Variants in E2F6 observed in about 807,000 individuals in gnomAD.
E2F6 encodes transcription factor E2F6.
E2F6 carries 19 observed loss-of-function variants against 31.5 expected under a neutral mutation model. That is an observed-to-expected ratio of 0.60 (90% confidence interval 0.42 to 0.89). E2F6 has a LOEUF of 0.89. Among genes scored for constraint, E2F6 ranks in the 40% least tolerant of loss-of-function variants. The probability of loss-of-function intolerance (pLI) is 0.00; values close to 1 mark genes in which losing one functional copy is unlikely to be tolerated. For synonymous variants in E2F6, 121 were observed against 127.7 expected, an observed-to-expected ratio of 0.95 and a Z score of 0.36; for missense variants, 269 against 341.6, an observed-to-expected ratio of 0.79 and a Z score of 1.67.
intron 4 of E2F6, chr2:11,451,348 CTTTTT>C (rs61072678): frequency 4.7e-5 from 5 of 105,702 alleles, no homozygotes; most frequent in South Asian, 2.6e-4. Flanking sequence ...TTTTACCTAA[CTTTTT>C]TTTTTTTTTT....
intron 4 of E2F6, among the ~76,000 whole-genome samples, 192 bp from the exon 5 acceptor site, chr2:11,450,318 A>AT (rs1267956332): frequency 6.6e-6 from 1 of 152,176 alleles, no homozygotes; most frequent in Non-Finnish European, 1.5e-5. Flanking sequence ...TAAAATTAAG[A>AT]TTTTTATGAA....
intron 1 of E2F6, among the ~76,000 whole-genome samples, chr2:11,459,758 C>G (rs1166039801): frequency 6.6e-6 from 1 of 152,004 alleles, no homozygotes; most frequent in East Asian, 1.9e-4. Context: ...GTGGTGGGCA[C>G]CTGTAATAAA....
In E2F6 at chr2:11,463,950, G is replaced by GGGGC. The variant is rs1318049848; in HGVS notation, c.108+1821_108+1822insGCCC. 3.0e-5 allele frequency among the ~76,000 whole-genome samples: 4 copies of GGGGC among 135,476 alleles called. 1 individual carries two copies. The highest frequency in any genetic ancestry group is 2.4e-4 in the South Asian group (1 of 4,158). The allele number at this position is 135,476 out of a possible 152,430, so 88.9% of individuals were successfully genotyped here. Reference sequence around the variant, plus strand: ...GGTGACAGAGTGAGATCCTGCACCGGGGGGGGGGACAAAAACAAAAACAGA... The same window carrying GGGGC: ...GGTGACAGAGTGAGATCCTGCACCGGGGGCGGGGGGGGACAAAAACAAAAACAGA... On this transcript the variant is annotated intron_variant, in intron 1 of 6. Transcript: ENST00000381525.
intron 1 of E2F6, chr2:11,458,379 A>G: frequency 6.4e-7 from 1 of 1,550,586 alleles, no homozygotes; most frequent in Non-Finnish European, 8.7e-7. Context: ...AAAAGACAGG[A>G]TTGTGGTACC....
rs572296961 is a variant in E2F6, at chr2:11,447,697, G to C, written c.729C>G (p.Thr243=). 5 of 1,612,072 alleles carry C rather than the reference G, an allele frequency of 3.1e-6. No individual in the cohort carries two copies. In the African/African-American group the frequency reaches 6.7e-5, roughly 22 times the overall value. ...VYLCEVEQGQ[T]SNKRSEGVGT... Reference sequence around the variant, plus strand: ...CGACACCTTCAGACCTTTTGTTACTGGTCTGACCCTGCTCCACTTCACACA... The same window carrying C: ...CGACACCTTCAGACCTTTTGTTACTCGTCTGACCCTGCTCCACTTCACACA... Residue 243 remains threonine, a synonymous_variant, in exon 6 of 7, where the codon ACC becomes ACG. Coordinates refer to ENST00000381525, the MANE Select transcript of E2F6 (RefSeq NM_198256.4).
chr2:11,460,734 G>C (rs1671723762), intron 1 of E2F6, among the ~76,000 whole-genome samples: 1 of 152,168 alleles, frequency 6.6e-6, no homozygotes, highest in South Asian at 2.1e-4. Flanking sequence ...ATACAGTATA[G>C]CCTATTGCTG....
In E2F6 at chr2:11,447,253, C is replaced by A. The variant is rs576459238; in HGVS notation, c.799+374G>T. On this transcript the variant is annotated intron_variant, in intron 6 of 6. Coordinates refer to ENST00000381525, the MANE Select transcript of E2F6 (RefSeq NM_198256.4). ...GCTGAGTTGAGTGGGTATTTGACTG[C>A]CTGGGTCAAGCAGGTCTAGCCCCTT... Among the ~76,000 whole-genome samples, 4 of 152,216 alleles carry A rather than the reference C, an allele frequency of 2.6e-5. No individual in the cohort carries two copies. The East Asian group carries it at 5.8e-4, about 22-fold the overall frequency.
At chr2:11,449,741 C>A (rs1277792860) in intron 5 of E2F6, among the ~76,000 whole-genome samples, 1 of 152,174 alleles carries the variant, frequency 6.6e-6, no homozygotes, top group Admixed American at 6.5e-5. Flanking sequence ...GAAAAGCAAA[C>A]TATGAAGCCA....
chr2:11,463,133 C>T (rs975041434), intron 1 of E2F6, among the ~76,000 whole-genome samples: 2 of 152,196 alleles, frequency 1.3e-5, no homozygotes, highest in African/African-American at 4.8e-5. Flanking sequence ...AATATTAAGA[C>T]CACCAATACA....
At chr2:11,461,398 C>G (rs1039122171) in intron 1 of E2F6, among the ~76,000 whole-genome samples, 3 of 152,184 alleles carry the variant, frequency 2.0e-5, no homozygotes, top group Non-Finnish European at 4.4e-5. Context: ...GTTGCCCAAG[C>G]TGGAGTGCAG....
At position 11,455,406 on chromosome 2, in the gene E2F6, C is replaced by T. The variant is rs73917203; in HGVS notation, c.164-1608G>A. ...TCACATTTAGTTTAAAGACCACTGG[C>T]GGTTACTTCAGGAACAAAGGTACAT... On this transcript the variant is annotated intron_variant, in intron 2 of 6. Transcript: ENST00000381525. The T allele has an allele frequency of 2.2e-3, 2,822 of 1,277,518 alleles. 67 individuals are homozygous for T. In the African/African-American group the frequency reaches 0.04, roughly 18 times the overall value. 79.1% of individuals were successfully genotyped at this position (1,277,518 alleles called of 1,614,324 possible). A position where few individuals can be genotyped will look rare whatever the true frequency, so the allele number is the denominator to read the frequency against.
intron 3 of E2F6, among the ~76,000 whole-genome samples, chr2:11,452,268 T>C (rs560483473): frequency 4.6e-5 from 7 of 152,338 alleles, no homozygotes; most frequent in African/African-American, 1.4e-4. Context: ...AGTGTACACA[T>C]TCTGTCTGAA....
chr2:11,462,472 T>C (rs1034759269), intron 1 of E2F6, among the ~76,000 whole-genome samples: 4 of 152,250 alleles, frequency 2.6e-5, no homozygotes, highest in African/African-American at 7.2e-5. Context: ...TCTTATACTG[T>C]AGATCTTAGC....
Position 11,447,177 on chromosome 2 carries a change from C to T in E2F6, c.799+450G>A, listed in dbSNP as rs186454205. ...TCTGGCCAGATGGGTCCAGAGGCGA[C>T]GTCCTTAGAAATGTGCAACTGAGGA... is the stretch of plus-strand genomic sequence containing the variant. On this transcript the variant is annotated intron_variant, in intron 6 of 6. Transcript: ENST00000381525. Among the ~76,000 whole-genome samples the T allele has an allele frequency of 2.5e-3, 387 of 152,290 alleles. 1 individual carries two copies. The highest frequency in any genetic ancestry group is 8.6e-3 in the African/African-American group (357 of 41,566).
intron 2 of E2F6, among the ~76,000 whole-genome samples, chr2:11,454,742 TATA>T (rs770026181): frequency 5.7e-4 from 87 of 151,932 alleles, no homozygotes; most frequent in Admixed American, 1.4e-3. Context: ...ACTCACCTAC[TATA>T]ATGACTGGGG....
At chr2:11,458,252 C>G (rs1199975316) in intron 1 of E2F6, 1 of 1,551,276 alleles carries the variant, frequency 6.4e-7, no homozygotes, top group Admixed American at 2.0e-5. Flanking sequence ...AACAGCAGTA[C>G]TAGGGATACA....
chr2:11,449,934 A>G, intron 5 of E2F6, 78 bp downstream of exon 5: 1 of 1,127,180 alleles, frequency 8.9e-7, no homozygotes, highest in South Asian at 1.3e-5. Flanking sequence ...GCTCTTAAGT[A>G]TGACTGCAAT....
chr2:11,451,448 T>C, intron 4 of E2F6: 1 of 388,884 alleles, frequency 2.6e-6, no homozygotes, highest in South Asian at 5.0e-5. Context: ...CCTCCCAGAT[T>C]CAAGCGATTC....
chr2:11,464,657 T>C (rs1423710828), intron 1 of E2F6, among the ~76,000 whole-genome samples: 1 of 151,994 alleles, frequency 6.6e-6, no homozygotes, highest in African/African-American at 2.4e-5. Flanking sequence ...GAATTTATCA[T>C]CTGGAGTTAG....
Sources: gnomAD v4.1 joint callset for allele counts (sites outside exome capture counted in the v4.1 genomes callset) on GRCh38, gnomAD v4.1.1 for gene constraint, MANE v1.5 for transcripts, NCBI Gene and HGNC (gene_info 2026-07-23, HGNC 2026-07-21) for gene names.